Variants in CHUK observed in about 807,000 individuals in gnomAD.
The protein encoded by CHUK is inhibitor of nuclear factor kappa-B kinase subunit alpha.
A neutral mutation model predicts 104.8 loss-of-function variants in CHUK; 35 were observed. The ratio of observed to expected loss-of-function variants is 0.33; its 90% CI spans 0.26 to 0.44. The LOEUF is 0.44. Ranked by LOEUF, CHUK falls within the 20% of genes least tolerant of loss-of-function variation. CHUK has a pLI of 1.00. For synonymous variants in CHUK, 276 were observed against 291.9 expected, an observed-to-expected ratio of 0.95 and a Z score of 0.56; for missense variants, 663 against 902.7, an observed-to-expected ratio of 0.73 and a Z score of 3.40.
Position 100,194,148 on chromosome 10 carries a change from A to C in CHUK, c.1827-17T>G, listed in dbSNP as rs770760368. On this transcript the variant is annotated splice_polypyrimidine_tract_variant and intron_variant, in intron 17 of 20. Coordinates refer to ENST00000370397, the MANE Select transcript of CHUK (RefSeq NM_001278.5). Reference sequence around the variant, plus strand: ...AACAACTTGCTGGAGAGATTAAATCAGTGTCAGACACTTTCACATGCCCCA... The same window carrying C: ...AACAACTTGCTGGAGAGATTAAATCCGTGTCAGACACTTTCACATGCCCCA... The C allele has an allele frequency of 6.2e-7, 1 of 1,612,604 alleles. No individual in the cohort carries two copies. The highest frequency in any genetic ancestry group is 1.1e-5 in the South Asian group (1 of 91,068).
Position 100,207,341 on chromosome 10 carries a change from G to C in CHUK, c.1129-9C>G. The C allele has an allele frequency of 8.1e-7, 1 of 1,229,982 alleles. No individual in the cohort carries two copies. Among genetic ancestry groups the C allele is most frequent in the Non-Finnish European group, 1.2e-6 (1 of 831,338 alleles). 76.2% of individuals were successfully genotyped at this position (1,229,982 alleles called of 1,614,324 possible). ...TAGCTATCACAGCCTCTCTGAAAAA[G>C]AAACAAACAGTTAAAATCCTGTTCA... On this transcript the variant is annotated splice_polypyrimidine_tract_variant and intron_variant, in intron 10 of 20. Transcript: ENST00000370397.
intron 9 of CHUK, among the ~76,000 whole-genome samples, chr10:100,214,295 G>A (rs1351308922): frequency 6.6e-6 from 1 of 152,118 alleles, no homozygotes; most frequent in African/African-American, 2.4e-5. Context: ...AGTGTGTTGT[G>A]GTGGTAGTAG....
downstream of CHUK, chr10:100,186,784 T>C (rs565816322): frequency 2.6e-5 from 4 of 152,252 alleles, no homozygotes; most frequent in East Asian, 1.9e-4. Flanking sequence ...GATAGATGAA[T>C]ACAAGAGAAA....
intron 9 of CHUK, among the ~76,000 whole-genome samples, chr10:100,212,230 A>T (rs941124465): frequency 1.3e-5 from 2 of 152,256 alleles, no homozygotes; most frequent in Middle Eastern, 3.4e-3. Context: ...GTTTCCCACA[A>T]TAGCTGTAAT....
At chr10:100,228,983 GCGCGCGCGCGCA>G (rs974055124) in intron 1 of CHUK, among the ~76,000 whole-genome samples, 5 of 85,554 alleles carry the variant, frequency 5.8e-5, no homozygotes, top group African/African-American at 1.2e-4. Flanking sequence ...CCAAGCGCGC[GCGCGCGCGCGCA>G]CACACACACA....
chr10:100,223,452 A>T (rs940050293), intron 2 of CHUK, among the ~76,000 whole-genome samples: 1 of 152,112 alleles, frequency 6.6e-6, no homozygotes, highest in Non-Finnish European at 1.5e-5. Context: ...CAGCATGGGT[A>T]ACACAGTGAG....
At chr10:100,209,533 G>A in intron 10 of CHUK, 62 bp downstream of exon 10, 1 of 1,034,042 alleles carries the variant, frequency 9.7e-7, no homozygotes, top group Admixed American at 1.8e-5. Flanking sequence ...CATAAAAATT[G>A]CAGGGCACGC....
Position 100,204,528 on chromosome 10 carries a change from G to A in CHUK, c.1485C>T (p.Ser495=), listed in dbSNP as rs374991603. 2.0e-5 allele frequency: 32 copies of A among 1,613,346 alleles called. No individual in the cohort carries two copies. The African/African-American group carries it at 2.8e-4, about 14-fold the overall frequency. The stretch of plus-strand genomic sequence containing the variant: ...TACATATCCCATACGTCATCTGCTC[G>A]CTGTATCTCTCCAAGTCAAGCTGAA... ...KSIQLDLERY[S]EQMTYGISSE... Residue 495 remains serine (S), a synonymous_variant, in exon 13 of 21, where the codon AGC becomes AGT. Coordinates refer to ENST00000370397, the MANE Select transcript of CHUK (RefSeq NM_001278.5).
chr10:100,227,582 A>G (rs1846134099), intron 1 of CHUK, among the ~76,000 whole-genome samples: 3 of 150,846 alleles, frequency 2.0e-5, no homozygotes, highest in Non-Finnish European at 4.4e-5. Context: ...GTTCCCTCTG[A>G]TGGTGAGAAT....
chr10:100,202,917 C>T (rs952477910), intron 13 of CHUK, among the ~76,000 whole-genome samples: 1 of 151,930 alleles, frequency 6.6e-6, no homozygotes, highest in African/African-American at 2.4e-5. Flanking sequence ...CCACCATGCC[C>T]GGCTAATTTT....
rs763828204 is a variant in CHUK, at chr10:100,225,930, T to A, written c.193A>T (p.Met65Leu). Reference sequence around the variant, plus strand: ...GTCAAGGAATACACTTACTTCTTCATAATCTGGATTTCATGGCACCATCGT... The same window carrying A: ...GTCAAGGAATACACTTACTTCTTCAAAATCTGGATTTCATGGCACCATCGT... ...RERWCHEIQIMKKLNHANVVK... is the reference protein window; with the variant it reads ...RERWCHEIQILKKLNHANVVK... The change falls in exon 2 of 21, where the codon ATG becomes TTG. Residue 65 changes from methionine (M) to leucine (L), a missense_variant. By Grantham distance (15) the Met-to-Leu change is conservative. Coordinates refer to ENST00000370397, the MANE Select transcript of CHUK (RefSeq NM_001278.5). 12 of 1,581,886 alleles carry A rather than the reference T, an allele frequency of 7.6e-6. No homozygotes were observed. Among genetic ancestry groups the A allele is most frequent in the Non-Finnish European group, 1.0e-5 (12 of 1,150,878 alleles).
chr10:100,200,972 T>C (rs1398411371), intron 14 of CHUK, among the ~76,000 whole-genome samples, 192 bp from the exon 15 acceptor site: 1 of 152,218 alleles, frequency 6.6e-6, no homozygotes, highest in Non-Finnish European at 1.5e-5. Flanking sequence ...CATAAGAACA[T>C]ACTTAGTCTT....
chr10:100,201,209 C>T (rs3818411), intron 14 of CHUK, among the ~76,000 whole-genome samples: 86,085 of 151,936 alleles, frequency 0.57, 25,642 homozygotes, highest in African/African-American at 0.76. Context: ...CACCCCAGGA[C>T]ACCATGGGTA....
At chr10:100,216,803 T>C (rs555330756) in intron 9 of CHUK, among the ~76,000 whole-genome samples, 1 of 152,370 alleles carries the variant, frequency 6.6e-6, no homozygotes, top group Admixed American at 6.5e-5. Flanking sequence ...ATAGCTCTCA[T>C]TCATATCAAT....
intron 19 of CHUK, among the ~76,000 whole-genome samples, chr10:100,192,284 G>A (rs900122105): frequency 6.6e-6 from 1 of 152,128 alleles, no homozygotes; most frequent in Non-Finnish European, 1.5e-5. Flanking sequence ...AGGCAAAAAA[G>A]TAAGTAAAGT....
chr10:100,200,156 A>G (rs909031286), intron 15 of CHUK, 136 bp from the exon 16 acceptor site: 8 of 768,194 alleles, frequency 1.0e-5, no homozygotes, highest in Non-Finnish European at 1.9e-5. Flanking sequence ...TATTTCACAG[A>G]GCATTGTATT....
intron 4 of CHUK, 55 bp from the exon 5 acceptor site, chr10:100,220,731 A>G: frequency 1.8e-6 from 2 of 1,116,302 alleles, no homozygotes; most frequent in Middle Eastern, 4.4e-4. Flanking sequence ...AGTTAAAAGA[A>G]AAATTCACCT....
intron 16 of CHUK, among the ~76,000 whole-genome samples, chr10:100,199,142 C>T (rs973540321): frequency 1.3e-5 from 2 of 152,150 alleles, no homozygotes; most frequent in Non-Finnish European, 2.9e-5. Context: ...TCCAGCAGAC[C>T]TTGCTCAGTA....
At chr10:100,224,837 T>C (rs1846069688) in intron 2 of CHUK, among the ~76,000 whole-genome samples, 1 of 140,612 alleles carries the variant, frequency 7.1e-6, no homozygotes. Context: ...GTGTACAGTT[T>C]AGTGGCATCA....
Sources: gnomAD v4.1 joint callset for allele counts (sites outside exome capture counted in the v4.1 genomes callset) on GRCh38, gnomAD v4.1.1 for gene constraint, MANE v1.5 for transcripts, NCBI Gene and HGNC (gene_info 2026-07-23, HGNC 2026-07-21) for gene names.